Variants in STK32C observed in about 807,000 individuals in gnomAD.
STK32C encodes the protein serine/threonine kinase 32C.
In STK32C, 31 loss-of-function variants were observed where a neutral mutation model predicts 56.5. The observed-to-expected ratio is 0.55, with a 90% confidence interval of 0.41 to 0.74. STK32C has a LOEUF of 0.74. STK32C is among the 30% of genes least tolerant of loss of function. The pLI, the probability that STK32C is intolerant of heterozygous loss-of-function variation, is 0.00. For missense variants in STK32C, 544 were observed against 676.9 expected, an observed-to-expected ratio of 0.80 and a Z score of 2.18; for synonymous variants, 309 against 289.4, an observed-to-expected ratio of 1.07 and a Z score of -0.69.
chr10:132,209,869 C>T (rs1369619270), intron 10 of STK32C, among the ~76,000 whole-genome samples: 2 of 152,162 alleles, frequency 1.3e-5, no homozygotes, highest in East Asian at 1.9e-4. Flanking sequence ...TAAAAGGGCC[C>T]CCACCTCCTG....
chr10:132,225,208 C>T (rs770740528), intron 7 of STK32C, 25 bp downstream of exon 7: 1 of 1,567,296 alleles, frequency 6.4e-7, no homozygotes, highest in Middle Eastern at 1.7e-4. Context: ...GGCAGCCAAG[C>T]CCAGGGGCTG....
At position 132,227,997 on chromosome 10, in the gene STK32C, G is replaced by A. The variant is rs149194063; in HGVS notation, c.450C>T (p.His150=). Residue 150 remains histidine, a synonymous_variant, in exon 3 of 12, where the codon CAC becomes CAT. Coordinates refer to ENST00000298630, the MANE Select transcript of STK32C (RefSeq NM_173575.4). ...RELEILQEIE[H]VFLVNLWYSF... is the part of the protein sequence containing the mutation. ...CTCACCAGAGGTTCACCAGGAAGAC[G>A]TGCTCGATCTCCTGCAGGATCTCCA... is the stretch of plus-strand genomic sequence containing the variant. 838 of 1,613,520 alleles carry A rather than the reference G, an allele frequency of 5.2e-4. No homozygotes were observed. The highest frequency in any genetic ancestry group is 6.3e-4 in the Non-Finnish European group (738 of 1,179,986).
chr10:132,317,928 A>G (rs1428294193), intron 1 of STK32C, among the ~76,000 whole-genome samples: 1 of 148,816 alleles, frequency 6.7e-6, no homozygotes, highest in Non-Finnish European at 1.5e-5. Context: ...CAGTGAACCG[A>G]GATCACACCA....
rs370911586 is a variant in STK32C at position 132,286,638 on chromosome 10, G to A, written c.262+20934C>T. Among the ~76,000 whole-genome samples, 343 of 152,212 alleles carry A rather than the reference G, an allele frequency of 2.3e-3. 2 individuals are homozygous for A. The highest frequency in any genetic ancestry group is 8.0e-3 in the African/African-American group (332 of 41,530). On this transcript the variant is annotated intron_variant, in intron 1 of 11. Transcript: ENST00000298630. ...AACTTATTACACAAACAAAATAAAG[G>A]AGGAAAAATCATCACGTCCACAAAT...
intron 2 of STK32C, among the ~76,000 whole-genome samples, chr10:132,229,059 AG>A (rs538544491): frequency 5.4e-4 from 82 of 152,354 alleles, no homozygotes; most frequent in Non-Finnish European, 8.7e-4. Context: ...ATCAATGAGC[AG>A]GGGGGTCCCT....
At chr10:132,269,169 ATG>A (rs1435690495) in intron 1 of STK32C, among the ~76,000 whole-genome samples, 2 of 149,366 alleles carry the variant, frequency 1.3e-5, no homozygotes, top group East Asian at 2.0e-4. Context: ...TCGTGTGTGC[ATG>A]TGTCACATCG....
intron 1 of STK32C, among the ~76,000 whole-genome samples, chr10:132,292,039 C>T (rs2065581665): frequency 6.6e-6 from 1 of 152,146 alleles, no homozygotes; most frequent in African/African-American, 2.4e-5. Context: ...GCTTCCCCTG[C>T]AGGGGCCCAA....
chr10:132,252,306 T>C (rs2063938471), intron 1 of STK32C, among the ~76,000 whole-genome samples: 1 of 151,970 alleles, frequency 6.6e-6, no homozygotes, highest in Non-Finnish European at 1.5e-5. Context: ...GGGAGGGGGC[T>C]AAAGCAGGAA....
chr10:132,246,037 C>T (rs1411977049), intron 1 of STK32C, 82 bp from the exon 2 acceptor site: 3 of 1,331,924 alleles, frequency 2.3e-6, no homozygotes, highest in Admixed American at 1.7e-5. Flanking sequence ...CAACATCCCC[C>T]ACCCCGACAC....
chr10:132,302,770 T>C (rs1158659757), intron 1 of STK32C, among the ~76,000 whole-genome samples: 1 of 152,200 alleles, frequency 6.6e-6, no homozygotes, highest in Admixed American at 6.5e-5. Context: ...AACCCGTCCA[T>C]ACCAACCGTG....
intron 1 of STK32C, among the ~76,000 whole-genome samples, chr10:132,271,196 G>C (rs11146299): frequency 0.43 from 66,035 of 152,048 alleles, 15,496 homozygotes; most frequent in African/African-American, 0.6. Context: ...GCTGGGGACT[G>C]TGGCATCCAG....
At position 132,255,976 on chromosome 10, in the gene STK32C, G is replaced by T. The variant is rs970590878; in HGVS notation, c.263-10021C>A. Among the ~76,000 whole-genome samples the T allele has an allele frequency of 6.6e-6, 1 of 152,202 alleles. No homozygotes were observed. The highest frequency in any genetic ancestry group is 2.4e-5 in the African/African-American group (1 of 41,448). The stretch of plus-strand genomic sequence containing the variant: ...CCTGGTGTCCAGCTTGGACTCGCCC[G>T]GGTGGCTTGGCGGCTTCCCGGCATC... On this transcript the variant is annotated intron_variant, in intron 1 of 11. Coordinates refer to ENST00000298630, the MANE Select transcript of STK32C (RefSeq NM_173575.4). This position sits in a 1 kb window ranked among gnomAD's most constrained non-coding sequence, Gnocchi z 4.6.
chr10:132,218,326 A>C (rs1022685181), intron 10 of STK32C, among the ~76,000 whole-genome samples: 1 of 152,222 alleles, frequency 6.6e-6, no homozygotes, highest in Non-Finnish European at 1.5e-5. Flanking sequence ...CTCTAAAAAA[A>C]AATAAAGTAA....
chr10:132,264,170 T>C lies in STK32C; in HGVS notation c.263-18215A>G, dbSNP rs142043934. 1.1e-4 allele frequency among the ~76,000 whole-genome samples: 17 copies of C among 152,170 alleles called. No homozygotes were observed. The East Asian group carries it at 3.3e-3, about 29-fold the overall frequency. On this transcript the variant is annotated intron_variant, in intron 1 of 11. Transcript: ENST00000298630. ...AGTTAGATAGAGGTGGTGTGAAGAG[T>C]ATGTTCTCAACATTGTCAATGCACT... is the stretch of plus-strand genomic sequence containing the variant.
At position 132,328,789 on chromosome 10, in the gene STK32C, C is replaced by T. The variant is rs1040550763; in HGVS notation, c.301+2647G>A. On this transcript the variant is annotated intron_variant, in intron 1 of 1. Coordinates refer to the STK32C transcript ENST00000368619. The stretch of plus-strand genomic sequence containing the variant: ...GAAAGGAATGTGAAAAAACATACAA[C>T]TTCTGCAGCGATATCTGGAGATGGA... Among the ~76,000 whole-genome samples, 4 of 152,228 alleles carry T rather than the reference C, an allele frequency of 2.6e-5. No individual in the cohort carries two copies. The East Asian group carries it at 5.8e-4, about 22-fold the overall frequency.
chr10:132,217,260 A>C (rs1433146775), intron 10 of STK32C, among the ~76,000 whole-genome samples: 1 of 152,242 alleles, frequency 6.6e-6, no homozygotes. Flanking sequence ...TGAAGCTTTA[A>C]GATTTGACAG....
chr10:132,284,157 C>G (rs1171980412), intron 1 of STK32C, among the ~76,000 whole-genome samples: 1 of 151,752 alleles, frequency 6.6e-6, no homozygotes, highest in South Asian at 2.1e-4. Context: ...AGACGCCGAC[C>G]ACAAGCCCCG....
chr10:132,233,280 G>A (rs1429478160), intron 2 of STK32C, among the ~76,000 whole-genome samples: 1 of 152,098 alleles, frequency 6.6e-6, no homozygotes, highest in Non-Finnish European at 1.5e-5. Flanking sequence ...GCAGAACCGG[G>A]CTCCCGTGCA....
intron 1 of STK32C, among the ~76,000 whole-genome samples, chr10:132,313,107 C>T (rs535430779): frequency 3.9e-5 from 6 of 152,298 alleles, no homozygotes; most frequent in Admixed American, 3.3e-4. Context: ...GGAGGTCAGA[C>T]GGGTCTCCTG....
Sources: gnomAD v4.1 joint callset for allele counts (sites outside exome capture counted in the v4.1 genomes callset) on GRCh38, gnomAD v4.1.1 for gene constraint, Gnocchi (gnomAD v3.1) non-coding constraint, MANE v1.5 for transcripts, NCBI Gene and HGNC (gene_info 2026-07-23, HGNC 2026-07-21) for gene names.